GRIK3: variants seen among roughly 807,000 people sequenced by gnomAD.
The protein encoded by GRIK3 is glutamate ionotropic receptor kainate type subunit 3, also known as glutamate receptor ionotropic, kainate 3.
In GRIK3, 29 loss-of-function variants were observed where a neutral mutation model predicts 102.5. The ratio of observed to expected loss-of-function variants is 0.28; its 90% CI spans 0.21 to 0.39. The LOEUF (loss-of-function observed/expected upper bound fraction) is 0.39. Among genes scored for constraint, GRIK3 ranks in the 10% least tolerant of loss-of-function variants. The pLI, the probability that GRIK3 is intolerant of heterozygous loss-of-function variation, is 1.00. For missense variants in GRIK3, 908 were observed against 1,252.4 expected, an observed-to-expected ratio of 0.73 and a Z score of 4.15; for synonymous variants, 511 against 504.9, an observed-to-expected ratio of 1.01 and a Z score of -0.16.
intron 1 of GRIK3, among the ~76,000 whole-genome samples, chr1:36,925,782 G>C (rs1470517785): frequency 6.6e-6 from 1 of 152,316 alleles, no homozygotes; most frequent in Non-Finnish European, 1.5e-5. Context: ...TGCATCCTTG[G>C]GGAGGCAAGG....
At position 36,850,182 on chromosome 1, in the gene GRIK3, C is replaced by A. The variant is rs2124226893; in HGVS notation, c.1326+129G>T. The A allele has an allele frequency of 3.1e-6, 2 of 644,576 alleles. No homozygotes were observed. The highest frequency in any genetic ancestry group is 2.8e-6 in the Non-Finnish European group (1 of 358,988). 39.9% of individuals were successfully genotyped at this position (644,576 alleles called of 1,614,324 possible). ...CTGCTCTCTGAGAACTTCCTGCTGA[C>A]TCTAAAAGTCTCCACCTACCTGCAG... On this transcript the variant is annotated intron_variant, in intron 9 of 15. Transcript: ENST00000373091. This position sits in a 1 kb window ranked among gnomAD's most constrained non-coding sequence, Gnocchi z 4.0.
intron 1 of GRIK3, among the ~76,000 whole-genome samples, chr1:36,936,210 C>T (rs1246900577): frequency 6.6e-6 from 1 of 152,096 alleles, no homozygotes; most frequent in Non-Finnish European, 1.5e-5. Flanking sequence ...CAAAAATATG[C>T]TTTGCTGGTC....
intron 1 of GRIK3, among the ~76,000 whole-genome samples, chr1:37,004,732 T>C (rs952880151): frequency 3.3e-5 from 5 of 152,236 alleles, no homozygotes; most frequent in African/African-American, 1.2e-4. Flanking sequence ...ATGTGTGACT[T>C]AGGCAGGGTG....
chr1:36,947,367 C>G (rs978788361), intron 1 of GRIK3, among the ~76,000 whole-genome samples: 1 of 152,170 alleles, frequency 6.6e-6, no homozygotes, highest in African/African-American at 2.4e-5. Flanking sequence ...CACCCCTCCA[C>G]GCTGGTCTCA....
In GRIK3 at chr1:36,799,062, C is replaced by T. The variant is rs147387370; in HGVS notation, c.*2789G>A. 10 of 152,300 alleles carry T rather than the reference C, an allele frequency of 6.6e-5. No homozygotes were observed. Among genetic ancestry groups the T allele is most frequent in the South Asian group, 2.1e-4 (1 of 4,818 alleles). The allele number at this position is 152,300 out of a possible 1,614,324, so 9.4% of individuals were successfully genotyped here. The stretch of plus-strand genomic sequence containing the variant: ...TGAAACTATACTGGACAAAGTAAGA[C>T]GGCGCTTAATGATTGTGTTTGCTGA... On this transcript the variant is annotated 3_prime_UTR_variant, in exon 16 of 16. Coordinates refer to ENST00000373091, the MANE Select transcript of GRIK3 (RefSeq NM_000831.4).
chr1:37,009,681 G>A (rs925433061), intron 1 of GRIK3, among the ~76,000 whole-genome samples: 1 of 152,160 alleles, frequency 6.6e-6, no homozygotes, highest in African/African-American at 2.4e-5. Flanking sequence ...TGGAGAAGGA[G>A]ATTTTAATTA....
rs1379503284 is a variant in GRIK3, at chr1:37,034,406, C to A, written c.-298G>T. ...GGCTCCGACTCGCGTCGGCTCGGCT[C>A]CCGCGCGGGCTCCCACCTGCCCCGG... On this transcript the variant is annotated 5_prime_UTR_variant, in exon 1 of 16. Coordinates refer to ENST00000373091, the MANE Select transcript of GRIK3 (RefSeq NM_000831.4). Among the ~76,000 whole-genome samples the A allele has an allele frequency of 1.3e-5, 2 of 151,126 alleles. No individual in the cohort carries two copies. The highest frequency in any genetic ancestry group is 3.9e-4 in the East Asian group (2 of 5,114).
At chr1:36,863,562 G>A (rs1414006806) in intron 5 of GRIK3, among the ~76,000 whole-genome samples, 4 of 151,860 alleles carry the variant, frequency 2.6e-5, no homozygotes, top group Non-Finnish European at 2.9e-5. Flanking sequence ...CCTGCTTCTC[G>A]TCCCTCTGTT....
intron 1 of GRIK3, among the ~76,000 whole-genome samples, chr1:36,955,885 T>C (rs996067032): frequency 6.6e-6 from 1 of 152,192 alleles, no homozygotes; most frequent in Non-Finnish European, 1.5e-5. Flanking sequence ...CAGGGTCTGG[T>C]GTTTTGGCTG....
At chr1:36,869,439 A>G (rs1453682635) in intron 5 of GRIK3, among the ~76,000 whole-genome samples, 4 of 152,230 alleles carry the variant, frequency 2.6e-5, no homozygotes, top group Non-Finnish European at 5.9e-5. Context: ...TAGGAGGCAG[A>G]AGCCCATTTT....
Position 36,850,288 on chromosome 1 carries a change from C to T in GRIK3, c.1326+23G>A. On this transcript the variant is annotated intron_variant, in intron 9 of 15. Transcript: ENST00000373091. The surrounding 1 kb of genome is among the most constrained non-coding windows in gnomAD (Gnocchi z 4.0). ...CCACCCCCAGGTCGGACAGTCCTTCCTGCAGGGGCTGCAGGCTCTTACCAG... is the reference window on the plus strand; with the variant it reads ...CCACCCCCAGGTCGGACAGTCCTTCTTGCAGGGGCTGCAGGCTCTTACCAG... 6.8e-7 allele frequency: 1 copy of T among 1,480,962 alleles called. No individual in the cohort carries two copies. The highest frequency in any genetic ancestry group is 1.1e-5 in the South Asian group (1 of 88,576). The allele number at this position is 1,480,962 out of a possible 1,614,324, so 91.7% of individuals were successfully genotyped here.
At chr1:37,004,869 CCAG>C (rs1263272884) in intron 1 of GRIK3, among the ~76,000 whole-genome samples, 3 of 152,170 alleles carry the variant, frequency 2.0e-5, no homozygotes, top group Non-Finnish European at 4.4e-5. Flanking sequence ...ACCTGCAGGC[CCAG>C]CCAAGAAAAA....
In GRIK3 at chr1:37,034,175, C is replaced by A; in HGVS notation, c.-67G>T. On this transcript the variant is annotated 5_prime_UTR_variant, in exon 1 of 16. Transcript: ENST00000373091. The stretch of plus-strand genomic sequence containing the variant: ...GGCTCCCTGGGGCGGCAGCTCTAGG[C>A]GCGGGCGCGCAGCAGCCCCGAAGGC... 1 of 611,818 alleles carries A rather than the reference C, an allele frequency of 1.6e-6. No individual in the cohort carries two copies. 37.9% of individuals were successfully genotyped at this position (611,818 alleles called of 1,614,324 possible). A position where few individuals can be genotyped will look rare whatever the true frequency, so the allele number is the denominator to read the frequency against.
chr1:36,991,134 CT>C (rs1376097935), intron 1 of GRIK3, among the ~76,000 whole-genome samples: 1 of 152,202 alleles, frequency 6.6e-6, no homozygotes, highest in Non-Finnish European at 1.5e-5. Flanking sequence ...ATCACTTCAC[CT>C]CTCTGAGCCT....
In GRIK3 at chr1:36,804,970, C is replaced by T. The variant is rs756293570; in HGVS notation, c.2565+17G>A. ...TCCATTTCCCATCCTGTGCAGGCTC[C>T]AAGCTCTAAGGCTTACCTGCTCTCT... is the stretch of plus-strand genomic sequence containing the variant. On this transcript the variant is annotated intron_variant, in intron 15 of 15. Coordinates refer to ENST00000373091, the MANE Select transcript of GRIK3 (RefSeq NM_000831.4). 6.2e-7 allele frequency: 1 copy of T among 1,613,632 alleles called. No homozygotes were observed. Among genetic ancestry groups the T allele is most frequent in the South Asian group, 1.1e-5 (1 of 91,026 alleles).
chr1:36,823,813 G>A (rs978997676), intron 11 of GRIK3, among the ~76,000 whole-genome samples: 3 of 152,080 alleles, frequency 2.0e-5, no homozygotes, highest in African/African-American at 7.2e-5. Flanking sequence ...ACTGGTCTGG[G>A]TTTGAAGTCC....
chr1:37,012,406 A>G (rs1376533060), intron 1 of GRIK3, among the ~76,000 whole-genome samples: 1 of 152,242 alleles, frequency 6.6e-6, no homozygotes, highest in African/African-American at 2.4e-5. Context: ...CTGAAGAGGA[A>G]AAAAGATGGG....
rs372751624 is a variant in GRIK3 at position 37,020,839 on chromosome 1, C to G, written c.115+13155G>C. Among the ~76,000 whole-genome samples the G allele has an allele frequency of 5.3e-5, 8 of 152,296 alleles. No individual in the cohort carries two copies. The South Asian group carries it at 1.2e-3, about 24-fold the overall frequency. On this transcript the variant is annotated intron_variant, in intron 1 of 15. Coordinates refer to ENST00000373091, the MANE Select transcript of GRIK3 (RefSeq NM_000831.4). Reference sequence around the variant, plus strand: ...AGAAAAGCCAGCATGCAGATGGCGCCACCGGCTACCCCCGGCCCTGGCTGC... The same window carrying G: ...AGAAAAGCCAGCATGCAGATGGCGCGACCGGCTACCCCCGGCCCTGGCTGC...
rs1048025096 is a variant in GRIK3 at position 37,026,027 on chromosome 1, C to T, written c.115+7967G>A. ...TCTAGGAGAGCTAAAGTGTCTATCC[C>T]CTAGGGCCTCTAGCCTCAGACCCTC... On this transcript the variant is annotated intron_variant, in intron 1 of 15. Coordinates refer to ENST00000373091, the MANE Select transcript of GRIK3 (RefSeq NM_000831.4). Among the ~76,000 whole-genome samples, 6 of 152,246 alleles carry T rather than the reference C, an allele frequency of 3.9e-5. No homozygotes were observed. The East Asian group carries it at 1.2e-3, about 29-fold the overall frequency.
Sources: gnomAD v4.1 joint callset for allele counts (sites outside exome capture counted in the v4.1 genomes callset) on GRCh38, gnomAD v4.1.1 for gene constraint, Gnocchi (gnomAD v3.1) non-coding constraint, MANE v1.5 for transcripts, NCBI Gene and HGNC (gene_info 2026-07-23, HGNC 2026-07-21) for gene names.